The following FAM117A variants were observed in gnomAD, a reference collection of about 807,000 sequenced individuals.
FAM117A encodes the protein family with sequence similarity 117 member A, also known as protein FAM117A.
In FAM117A, 21 loss-of-function variants were observed where a neutral mutation model predicts 44.1. That is an observed-to-expected ratio of 0.48 (90% confidence interval 0.34 to 0.69). The LOEUF (loss-of-function observed/expected upper bound fraction) is 0.69. Ranked by LOEUF, FAM117A falls within the 30% of genes least tolerant of loss-of-function variation. The pLI is 0.01. For synonymous variants in FAM117A, 220 were observed against 238.3 expected (o/e 0.92, Z 0.71); for missense variants, 498 against 589.9 (o/e 0.84, Z 1.61).
chr17:49,749,306 A>ATG (rs2073665973), intron 1 of FAM117A, among the ~76,000 whole-genome samples: 2 of 152,056 alleles, frequency 1.3e-5, no homozygotes, highest in South Asian at 4.1e-4. Flanking sequence ...GGCCAGGCGC[A>ATG]GTGGCTCACA....
rs759268495 is a variant in FAM117A at position 49,716,241 on chromosome 17, G to A, written c.985C>T (p.Arg329Ter). The A allele has an allele frequency of 1.9e-6, 3 of 1,613,410 alleles. No individual in the cohort carries two copies. Among genetic ancestry groups the A allele is most frequent in the South Asian group, 1.1e-5 (1 of 90,990 alleles). Residue 329 changes from arginine (R) to a stop codon, truncating the protein, a stop_gained, in exon 7 of 8, where the codon CGA (arginine) becomes TGA (stop). Transcript: ENST00000240364. LOFTEE classifies it high-confidence loss of function. ...SPVLAFAASPRPNHSYIFKRE... is the reference protein window; with the variant it reads ...SPVLAFAASP ...TTGAAGATGTAGCTATGATTAGGTC[G>A]AGGGGAGGCAGCAAAGGCAAGGACT...
At chr17:49,731,900 C>A (rs1838391115) in intron 2 of FAM117A, among the ~76,000 whole-genome samples, 1 of 152,176 alleles carries the variant, frequency 6.6e-6, no homozygotes, top group Non-Finnish European at 1.5e-5. Flanking sequence ...ATTCTCCCGC[C>A]TCAGCCTCCC....
chr17:49,713,921 G>A (rs148454618), intron 7 of FAM117A, among the ~76,000 whole-genome samples: 1,866 of 152,280 alleles, frequency 0.012, 22 homozygotes, highest in Admixed American at 0.05. Flanking sequence ...AAAGGCCCAC[G>A]TGGTGGGTGT....
At chr17:49,767,337 C>T (rs1325589904), upstream of FAM117A, among the ~76,000 whole-genome samples, 1 of 152,232 alleles carries the variant, frequency 6.6e-6, no homozygotes, top group Non-Finnish European at 1.5e-5. Flanking sequence ...ACTGCCCTTA[C>T]TGTCATGCTT....
At chr17:49,788,772 G>A, upstream of FAM117A, 1 of 1,545,092 alleles carries the variant, frequency 6.5e-7, no homozygotes, top group South Asian at 1.2e-5. Flanking sequence ...GCCCGCCGGA[G>A]CCACCGTTCC....
At position 49,732,628 on chromosome 17, in the gene FAM117A, T is replaced by G; in HGVS notation, c.289A>C (p.Ser97Arg). The G allele has an allele frequency of 6.2e-7, 1 of 1,614,074 alleles. No individual in the cohort carries two copies. Among genetic ancestry groups the G allele is most frequent in the Non-Finnish European group, 8.5e-7 (1 of 1,180,010 alleles). Residue 97 changes from serine to arginine, a missense_variant, in exon 2 of 8, where the codon AGC becomes CGC. Ser to Arg is a moderately radical substitution (Grantham distance 110). Around this residue, in one of 3 missense-constraint regions of FAM117A, gnomAD observed 270 missense variants for 277.4 expected, o/e 0.97. Transcript: ENST00000240364. The stretch of plus-strand genomic sequence containing the variant: ...GGCCACTGGCCCAGAAGGTAGGAGC[T>G]GAGGATGGTGTCCAGGGAGAATGTA... ...RRTFSLDTIL[S>R]SYLLGQWPRD...
intron 1 of FAM117A, among the ~76,000 whole-genome samples, chr17:49,780,366 T>C (rs1490409519): frequency 6.6e-6 from 1 of 152,172 alleles, no homozygotes; most frequent in Non-Finnish European, 1.5e-5. Flanking sequence ...ATCATCTTCA[T>C]GGTTCTTATA....
chr17:49,714,838 G>A (rs1438741828), intron 7 of FAM117A, among the ~76,000 whole-genome samples: 1 of 151,700 alleles, frequency 6.6e-6, no homozygotes. Context: ...TAGAGACAGG[G>A]TCTTGCCATG....
At chr17:49,722,047 C>A (rs959426176) in intron 3 of FAM117A, among the ~76,000 whole-genome samples, 3 of 152,056 alleles carry the variant, frequency 2.0e-5, no homozygotes, top group African/African-American at 7.3e-5. Context: ...TGCAGTGAGC[C>A]GAGATCGTGC....
chr17:49,764,681 A>C (rs565355047), upstream of FAM117A, among the ~76,000 whole-genome samples: 2 of 152,330 alleles, frequency 1.3e-5, no homozygotes, highest in South Asian at 4.1e-4. Context: ...TCTCAGTGCT[A>C]CTTACAAGCT....
intron 1 of FAM117A, among the ~76,000 whole-genome samples, chr17:49,769,844 C>T (rs2073755817): frequency 6.6e-6 from 1 of 152,190 alleles, no homozygotes; most frequent in Non-Finnish European, 1.5e-5. Context: ...TTCAGCCTCT[C>T]ACATTACAGA....
chr17:49,753,371 G>C (rs1163128768), intron 1 of FAM117A, among the ~76,000 whole-genome samples: 3 of 152,198 alleles, frequency 2.0e-5, no homozygotes, highest in Non-Finnish European at 4.4e-5. Context: ...TTTGGTGTTG[G>C]ACAAGAACTT....
At chr17:49,765,451 G>A (rs2073742662), upstream of FAM117A, 1 of 152,196 alleles carries the variant, frequency 6.6e-6, no homozygotes, top group Admixed American at 6.5e-5. Flanking sequence ...CCTGCTGTGA[G>A]GCAAAGAGAA....
chr17:49,735,314 C>T (rs932836787), intron 1 of FAM117A, among the ~76,000 whole-genome samples: 12 of 151,786 alleles, frequency 7.9e-5, no homozygotes, highest in African/African-American at 1.5e-4. Context: ...TGCTTGAACC[C>T]GGGAAGCGGA....
chr17:49,748,186 TTA>T (rs1425285894), intron 1 of FAM117A, among the ~76,000 whole-genome samples: 1 of 152,232 alleles, frequency 6.6e-6, no homozygotes, highest in Non-Finnish European at 1.5e-5. Flanking sequence ...TCACCTTCTT[TTA>T]TACTTAAGTA....
intron 1 of FAM117A, among the ~76,000 whole-genome samples, chr17:49,785,931 G>C (rs1336578223): frequency 6.6e-6 from 1 of 152,152 alleles, no homozygotes; most frequent in Non-Finnish European, 1.5e-5. Context: ...GATAGCCAGG[G>C]GGCAACCAGT....
intron 1 of FAM117A, among the ~76,000 whole-genome samples, chr17:49,733,628 G>A (rs997327047): frequency 1.2e-4 from 19 of 152,006 alleles, no homozygotes; most frequent in African/African-American, 4.1e-4. Flanking sequence ...AGCCAAGATC[G>A]CACCACTGCA....
intron 5 of FAM117A, among the ~76,000 whole-genome samples, chr17:49,719,168 A>G (rs981132816): frequency 2.4e-4 from 36 of 148,418 alleles, no homozygotes. Context: ...AGGCTGAGGC[A>G]GAGAACTGCT....
Position 49,732,681 on chromosome 17 carries a change from C to T in FAM117A, c.236G>A (p.Cys79Tyr), listed in dbSNP as rs370182807. ...PCSVAPEKSV[C>Y]RPQPLQVRRT... ...CCGGACCTGAAGTGGCTGAGGCCTA[C>T]ACACTGACTTTTCTGGGGCCACCGA... Residue 79 changes from cysteine to tyrosine, a missense_variant, in exon 2 of 8, where the codon TGT becomes TAT. Coordinates refer to ENST00000240364, the MANE Select transcript of FAM117A (RefSeq NM_030802.4). 5 of 1,613,866 alleles carry T rather than the reference C, an allele frequency of 3.1e-6. No individual in the cohort carries two copies. In the African/African-American group the frequency reaches 5.3e-5, roughly 17 times the overall value.
Sources: allele counts gnomAD v4.1 joint callset (sites outside exome capture counted in the v4.1 genomes callset), GRCh38; gene constraint gnomAD v4.1.1; regional missense constraint gnomAD v4.1.1; transcripts MANE v1.5; gene names NCBI Gene and HGNC (gene_info 2026-07-23, HGNC 2026-07-21).